Variants in API5 observed in about 807,000 individuals in gnomAD.
API5 encodes FIF.
Under a neutral mutation model 71.9 loss-of-function variants are expected in API5, and 6 were observed. That is an observed-to-expected ratio of 0.08 (90% CI 0.05 to 0.16). The LOEUF is 0.16. API5 is among the 10% of genes least tolerant of loss of function. The pLI, the probability that API5 is intolerant of heterozygous loss-of-function variation, is 1.00. For synonymous variants in API5, 189 were observed against 221.3 expected (o/e 0.85, Z 1.30); for missense variants, 332 against 612.8 (o/e 0.54, Z 4.84).
At chr11:43,329,477 C>G (rs1488368470) in intron 9 of API5, 1 of 154,694 alleles carries the variant, frequency 6.5e-6, no homozygotes. Context: ...CCTCTCTTGG[C>G]TCCCCCAAAT....
At chr11:43,342,314 T>C in intron 13 of API5, 114 bp from the exon 14 acceptor site, 2 of 835,550 alleles carry the variant, frequency 2.4e-6, no homozygotes, top group Non-Finnish European at 3.8e-6. Flanking sequence ...AGAATATTAG[T>C]TCTGTTCTTA....
intron 9 of API5, among the ~76,000 whole-genome samples, chr11:43,329,739 C>T (rs1855191176): frequency 6.6e-6 from 1 of 152,116 alleles, no homozygotes; most frequent in Admixed American, 6.5e-5. Flanking sequence ...TTTTGAAATG[C>T]TTGAGCCATG....
At chr11:43,321,861 A>G in intron 4 of API5, 124 bp from the exon 5 acceptor site, 1 of 957,812 alleles carries the variant, frequency 1.0e-6, no homozygotes, top group East Asian at 2.6e-5. Context: ...TTAACTAGTA[A>G]TGAGGATGAT....
intron 13 of API5, among the ~76,000 whole-genome samples, chr11:43,337,603 G>T (rs192830816): frequency 3.3e-5 from 5 of 152,142 alleles, no homozygotes; most frequent in African/African-American, 4.8e-5. Context: ...TGAGGTAAGA[G>T]CTCTTACAGC....
rs188200774 is a variant in API5, at chr11:43,312,977, C to T, written c.69+781C>T. 2.6e-4 allele frequency among the ~76,000 whole-genome samples: 40 copies of T among 151,944 alleles called. No individual in the cohort carries two copies. In the East Asian group the frequency reaches 7.4e-3, roughly 28 times the overall value. On this transcript the variant is annotated intron_variant, in intron 1 of 13. Transcript: ENST00000531273. ...CAAAAATTAGCCGGGCGTGGTGACA[C>T]GCGCTTGTAATCCTAGCTACTCAGG...
At position 43,344,167 on chromosome 11, in the gene API5, A is replaced by G. The variant is rs1459726370; in HGVS notation, c.*1657A>G. ...CAGCTAATCTGGACCTCAGAGATAG[A>G]TCAGCCAGTGGCCCAAAGCCATTTC... On this transcript the variant is annotated 3_prime_UTR_variant, in exon 14 of 14. Coordinates refer to ENST00000531273, the MANE Select transcript of API5 (RefSeq NM_001142930.2). 4 of 152,670 alleles carry G rather than the reference A, an allele frequency of 2.6e-5. No individual in the cohort carries two copies. Among genetic ancestry groups the G allele is most frequent in the Non-Finnish European group, 5.9e-5 (4 of 68,046 alleles). 9.5% of individuals were successfully genotyped at this position (152,670 alleles called of 1,614,324 possible). A position where few individuals can be genotyped will look rare whatever the true frequency, so the allele number is the denominator to read the frequency against.
chr11:43,313,213 G>A (rs1414129977), intron 1 of API5, among the ~76,000 whole-genome samples: 3 of 152,094 alleles, frequency 2.0e-5, no homozygotes, highest in Non-Finnish European at 4.4e-5. Flanking sequence ...GCGCAGCTCT[G>A]AATGGAGTTG....
intron 4 of API5, 37 bp downstream of exon 4, chr11:43,321,513 C>CT (rs1463312751): frequency 6.8e-7 from 1 of 1,480,490 alleles, no homozygotes; most frequent in Non-Finnish European, 9.4e-7. Flanking sequence ...TGTTTGATGT[C>CT]TTACAGAATC....
intron 11 of API5, among the ~76,000 whole-genome samples, chr11:43,333,673 A>C (rs1855333606): frequency 6.6e-6 from 1 of 152,148 alleles, no homozygotes. Flanking sequence ...TATTGATTAC[A>C]CTCTAAGAGG....
chr11:43,319,041 C>G, intron 2 of API5: 1 of 425,806 alleles, frequency 2.3e-6, no homozygotes, highest in Non-Finnish European at 4.1e-6. Context: ...ATCATTTATC[C>G]ACTGTTAAAA....
chr11:43,332,981 G>T (rs1372069442), intron 11 of API5, among the ~76,000 whole-genome samples: 1 of 152,106 alleles, frequency 6.6e-6, no homozygotes, highest in African/African-American at 2.4e-5. Flanking sequence ...ATAAAAGATT[G>T]TCTTTCACCT....
At chr11:43,335,138 GT>G (rs1855388182) in intron 11 of API5, 139 bp from the exon 12 acceptor site, 1 of 660,974 alleles carries the variant, frequency 1.5e-6, no homozygotes, top group African/African-American at 1.8e-5. Flanking sequence ...AAACAAAATT[GT>G]TCCTGTTTAA....
chr11:43,313,524 G>A (rs1165027240), intron 1 of API5, among the ~76,000 whole-genome samples: 2 of 152,040 alleles, frequency 1.3e-5, no homozygotes, highest in South Asian at 4.1e-4. Flanking sequence ...ACAGTCGTGG[G>A]AGTACCTTTC....
At chr11:43,335,754 C>T (rs1855412077) in intron 12 of API5, 104 bp from the exon 13 acceptor site, 7 of 1,259,704 alleles carry the variant, frequency 5.6e-6, no homozygotes, top group African/African-American at 1.5e-5. Context: ...TGAGATTATC[C>T]TCTTTAGGAT....
chr11:43,324,174 C>A (rs978314439), intron 6 of API5, among the ~76,000 whole-genome samples: 1 of 152,170 alleles, frequency 6.6e-6, no homozygotes, highest in Non-Finnish European at 1.5e-5. Flanking sequence ...TGCACTATCA[C>A]ACTCGGCTAA....
chr11:43,323,486 G>T lies in API5; in HGVS notation c.600G>T (p.Gly200=). Residue 200 remains glycine, a synonymous_variant, in exon 6 of 14, where the codon GGG becomes GGT. Transcript: ENST00000531273. ...TTCTATTTATGAAGATACTGTCTGGGTTAAAAAGCTTACAGACAGTGAGTG... is the reference window on the plus strand; with the variant it reads ...TTCTATTTATGAAGATACTGTCTGGTTTAAAAAGCTTACAGACAGTGAGTG... ...EFVLFMKILS[G]LKSLQTVSGR... 6.2e-7 allele frequency: 1 copy of T among 1,614,074 alleles called. No individual in the cohort carries two copies. The highest frequency in any genetic ancestry group is 8.5e-7 in the Non-Finnish European group (1 of 1,179,990).
intron 1 of API5, among the ~76,000 whole-genome samples, chr11:43,315,058 G>C (rs1052130704): frequency 4.6e-5 from 7 of 152,172 alleles, no homozygotes; most frequent in African/African-American, 1.7e-4. Context: ...CTGCATTCAA[G>C]TTTGTCAGTC....
intron 1 of API5, among the ~76,000 whole-genome samples, 183 bp downstream of exon 1, chr11:43,312,379 G>A (rs1467395789): frequency 1.3e-5 from 2 of 152,068 alleles, no homozygotes; most frequent in South Asian, 2.1e-4. Flanking sequence ...TTTCACCAGG[G>A]AGACCGCGGT....
chr11:43,329,808 C>T lies in API5; in HGVS notation c.1128-157C>T, dbSNP rs1855193629. Among the ~76,000 whole-genome samples, 4 of 152,262 alleles carry T rather than the reference C, an allele frequency of 2.6e-5. No individual in the cohort carries two copies. In the South Asian group the frequency reaches 8.3e-4, roughly 32 times the overall value. On this transcript the variant is annotated intron_variant, in intron 9 of 13. Transcript: ENST00000531273. ...GGCAGAAGTTTGATACTTGATGAAG[C>T]TCTTAATCAGAAACAAGCAACTTAA...
Sources: allele counts gnomAD v4.1 joint callset (sites outside exome capture counted in the v4.1 genomes callset), GRCh38; gene constraint gnomAD v4.1.1; transcripts MANE v1.5; gene names NCBI Gene and HGNC (gene_info 2026-07-23, HGNC 2026-07-21).